NTN4: variants seen among roughly 807,000 people sequenced by gnomAD.
The protein encoded by NTN4 is netrin-4.
A neutral mutation model predicts 73.6 loss-of-function variants in NTN4; 32 were observed. The ratio of observed to expected loss-of-function variants is 0.44; its 90% confidence interval spans 0.33 to 0.58. NTN4 has a LOEUF of 0.58. NTN4 is among the 20% of genes least tolerant of loss of function. The pLI, the probability that NTN4 is intolerant of heterozygous loss-of-function variation, is 0.04. For synonymous variants in NTN4, 258 were observed against 287.5 expected (o/e 0.90, Z 1.04); for missense variants, 654 against 798.3 (o/e 0.82, Z 2.18).
chr12:95,749,394 G>A (rs367682263), intron 2 of NTN4, among the ~76,000 whole-genome samples: 36 of 152,226 alleles, frequency 2.4e-4, no homozygotes, highest in Middle Eastern at 3.4e-3. Context: ...TCCTCAGACC[G>A]ACCAGCCCAA....
chr12:95,727,180 G>T (rs1305755964), intron 3 of NTN4, among the ~76,000 whole-genome samples: 1 of 152,084 alleles, frequency 6.6e-6, no homozygotes. Context: ...TAATGATGTT[G>T]AATGTCTTTT....
At chr12:95,706,671 C>T (rs886382707) in intron 5 of NTN4, among the ~76,000 whole-genome samples, 1 of 152,168 alleles carries the variant, frequency 6.6e-6, no homozygotes, top group Non-Finnish European at 1.5e-5. Context: ...AATCCTCCAA[C>T]GTTTTCTTGC....
intron 2 of NTN4, among the ~76,000 whole-genome samples, chr12:95,758,380 G>A (rs959051979): frequency 6.6e-6 from 1 of 152,120 alleles, no homozygotes; most frequent in Non-Finnish European, 1.5e-5. Flanking sequence ...CTTCTCTGGT[G>A]AAGTGTCTGT....
chr12:95,782,498 A>G (rs1320620530), intron 2 of NTN4, among the ~76,000 whole-genome samples: 1 of 151,974 alleles, frequency 6.6e-6, no homozygotes, highest in Non-Finnish European at 1.5e-5. Context: ...GGGTTTCACC[A>G]TGTTGGCCAG....
intron 5 of NTN4, among the ~76,000 whole-genome samples, chr12:95,700,080 A>ATTTTTTTTTTTTTTTTT (rs56063223): frequency 1.4e-4 from 6 of 41,822 alleles, no homozygotes; most frequent in Non-Finnish European, 2.6e-4. Context: ...TAAAGTGAGG[A>ATTTTTTTTTTTTTTTTT]TTTTTTTTTT....
chr12:95,692,245 A>C (rs2078407280), intron 5 of NTN4, among the ~76,000 whole-genome samples: 1 of 152,124 alleles, frequency 6.6e-6, no homozygotes, highest in South Asian at 2.1e-4. Context: ...CATGCTGGCC[A>C]GACTGGTCTC....
chr12:95,717,998 G>A (rs1434519629), intron 3 of NTN4, among the ~76,000 whole-genome samples: 1 of 152,104 alleles, frequency 6.6e-6, no homozygotes, highest in Non-Finnish European at 1.5e-5. Context: ...TAATATTAAC[G>A]CACTTGCCAG....
chr12:95,683,184 T>C (rs1013711591), intron 6 of NTN4, among the ~76,000 whole-genome samples: 10 of 152,142 alleles, frequency 6.6e-5, no homozygotes, highest in Non-Finnish European at 1.3e-4. Flanking sequence ...CTCAGCCTCC[T>C]GAGTAGCCGG....
At chr12:95,755,793 C>A (rs74918612) in intron 2 of NTN4, among the ~76,000 whole-genome samples, 7,091 of 152,266 alleles carry the variant, frequency 0.047, 235 homozygotes, top group Non-Finnish European at 0.072. Flanking sequence ...GATGCAAAGG[C>A]AGCTTCGTAA....
Position 95,790,136 on chromosome 12 carries a change from T to C in NTN4, c.55+119A>G, listed in dbSNP as rs910582357. 5.7e-5 allele frequency: 47 copies of C among 826,006 alleles called. 1 individual carries two copies. The African/African-American group carries it at 8.5e-4, about 15-fold the overall frequency. 51.2% of individuals were successfully genotyped at this position (826,006 alleles called of 1,614,324 possible). On this transcript the variant is annotated intron_variant, in intron 1 of 9. Transcript: ENST00000343702. This position sits in a 1 kb window ranked among gnomAD's most constrained non-coding sequence, Gnocchi z 6.5. ...AGGAGGCGGAACATGGCCACTCATTTCACCCTCGGGAGCAGCGCTCTGCGC... is the reference window on the plus strand; with the variant it reads ...AGGAGGCGGAACATGGCCACTCATTCCACCCTCGGGAGCAGCGCTCTGCGC...
rs71087998 is a variant in NTN4 at position 95,722,973 on chromosome 12, CAAAAAAAAAAAA to C, written c.865-9647_865-9636del. 2.0e-4 allele frequency among the ~76,000 whole-genome samples: 11 copies of C among 55,374 alleles called. No individual in the cohort carries two copies. The Admixed American group carries it at 2.3e-3, about 12-fold the overall frequency. The allele number at this position is 55,374 out of a possible 152,430, so 36.3% of individuals were successfully genotyped here. Reference sequence around the variant, plus strand: ...TGGGTGACAGAGTGAGACTCTGTCTCAAAAAAAAAAAAAAAAAAAAAAAAAATCCATTGTTTT... The same window carrying C: ...TGGGTGACAGAGTGAGACTCTGTCTCAAAAAAAAAAAAAATCCATTGTTTT... On this transcript the variant is annotated intron_variant, in intron 3 of 9. Transcript: ENST00000343702.
At chr12:95,751,946 C>CA (rs2078911608) in intron 2 of NTN4, among the ~76,000 whole-genome samples, 1 of 149,650 alleles carries the variant, frequency 6.7e-6, no homozygotes, top group Non-Finnish European at 1.5e-5. Flanking sequence ...TAGGCTGACG[C>CA]TTTAACTAAA....
intron 5 of NTN4, among the ~76,000 whole-genome samples, chr12:95,695,250 G>A (rs2078432441): frequency 6.6e-6 from 1 of 152,138 alleles, no homozygotes. Flanking sequence ...AGAGGGGTAG[G>A]ATGCATGAGA....
At chr12:95,746,238 T>G (rs1037435381) in intron 2 of NTN4, among the ~76,000 whole-genome samples, 3 of 152,198 alleles carry the variant, frequency 2.0e-5, no homozygotes, top group East Asian at 3.8e-4. Context: ...TTCCCAGGAA[T>G]TCGTCCGATT....
intron 7 of NTN4, among the ~76,000 whole-genome samples, chr12:95,681,222 T>C (rs1478151710): frequency 2.0e-5 from 3 of 149,474 alleles, no homozygotes; most frequent in African/African-American, 7.4e-5. Context: ...GTAGATATCA[T>C]GTGCATGGAA....
intron 5 of NTN4, among the ~76,000 whole-genome samples, chr12:95,707,192 A>G (rs1318539949): frequency 1.3e-5 from 2 of 152,120 alleles, no homozygotes; most frequent in East Asian, 3.9e-4. Context: ...ACTCCAAGTA[A>G]AAGCTGGTGA....
intron 9 of NTN4, among the ~76,000 whole-genome samples, chr12:95,665,224 C>A (rs978141927): frequency 6.6e-6 from 1 of 152,150 alleles, no homozygotes; most frequent in Admixed American, 6.5e-5. Context: ...TTTAAAGGTG[C>A]AAATCAAATT....
chr12:95,665,575 G>C lies in NTN4; in HGVS notation c.1750+235C>G, dbSNP rs1287033410. 11 of 330,742 alleles carry C rather than the reference G, an allele frequency of 3.3e-5. 1 individual carries two copies. The highest frequency in any genetic ancestry group is 4.9e-5 in the Non-Finnish European group (9 of 183,516). 20.5% of individuals were successfully genotyped at this position (330,742 alleles called of 1,614,324 possible). The stretch of plus-strand genomic sequence containing the variant: ...AATCTGAGCCTCCTCTTTTAGGATA[G>C]AGAGTATTATATTTCTGGATTTTAA... On this transcript the variant is annotated intron_variant, in intron 9 of 9. Transcript: ENST00000343702.
At chr12:95,771,391 C>T (rs950803652) in intron 2 of NTN4, among the ~76,000 whole-genome samples, 16 of 152,128 alleles carry the variant, frequency 1.1e-4, no homozygotes, top group Middle Eastern at 3.4e-3. Context: ...CCCTTGTCCT[C>T]CTTAACAGAA....
Sources: allele counts gnomAD v4.1 joint callset (sites outside exome capture counted in the v4.1 genomes callset), GRCh38; gene constraint gnomAD v4.1.1; non-coding constraint Gnocchi (gnomAD v3.1); transcripts MANE v1.5; gene names NCBI Gene and HGNC (gene_info 2026-07-23, HGNC 2026-07-21).